Variants in LRBA observed in about 807,000 individuals in gnomAD.
LRBA encodes LPS responsive beige-like anchor protein.
A neutral mutation model predicts 330.0 loss-of-function variants in LRBA; 176 were observed. That is an observed-to-expected ratio of 0.53 (90% CI 0.47 to 0.60). The LOEUF (loss-of-function observed/expected upper bound fraction) is 0.60. Ranked by LOEUF, LRBA falls within the 20% of genes least tolerant of loss-of-function variation. The pLI, the probability that LRBA is intolerant of heterozygous loss-of-function variation, is 0.00. For synonymous variants in LRBA, 1,230 were observed against 1,193.0 expected (o/e 1.03, Z -0.64); for missense variants, 3,259 against 3,444.8 (o/e 0.95, Z 1.35).
intron 40 of LRBA, among the ~76,000 whole-genome samples, chr4:150,529,497 C>T (rs1458538434): frequency 6.6e-6 from 1 of 152,088 alleles, no homozygotes; most frequent in Non-Finnish European, 1.5e-5. Context: ...GCGGGTGGAT[C>T]ACGAGGTCAG....
chr4:150,763,431 T>C (rs568262140), intron 34 of LRBA, among the ~76,000 whole-genome samples: 26 of 152,076 alleles, frequency 1.7e-4, no homozygotes, highest in African/African-American at 6.3e-4. Flanking sequence ...TGAATTCATA[T>C]TTTACCAAAA....
At chr4:150,322,432 T>C (rs1443055979) in intron 49 of LRBA, among the ~76,000 whole-genome samples, 1 of 152,230 alleles carries the variant, frequency 6.6e-6, no homozygotes, top group Non-Finnish European at 1.5e-5. Flanking sequence ...TAATAGCTGA[T>C]TAGTATCATT....
At chr4:150,882,094 A>G (rs112828514) in intron 17 of LRBA, among the ~76,000 whole-genome samples, 2 of 152,302 alleles carry the variant, frequency 1.3e-5, no homozygotes, top group African/African-American at 4.8e-5. Context: ...CTCAAAAAAA[A>G]AAAAATCACA....
intron 48 of LRBA, among the ~76,000 whole-genome samples, chr4:150,338,973 A>ACACG: frequency 6.6e-6 from 1 of 151,282 alleles, no homozygotes; most frequent in Non-Finnish European, 1.5e-5. Flanking sequence ...TTATACACAC[A>ACACG]CACACACACA....
At chr4:150,574,447 G>C (rs964567045) in intron 40 of LRBA, among the ~76,000 whole-genome samples, 69 of 151,978 alleles carry the variant, frequency 4.5e-4, no homozygotes, top group African/African-American at 1.6e-3. Context: ...AGAAGAGATA[G>C]AAAAGATTAC....
At chr4:150,805,583 A>AAGGAG (rs1742637806) in intron 33 of LRBA, among the ~76,000 whole-genome samples, 1 of 137,142 alleles carries the variant, frequency 7.3e-6, no homozygotes, top group Non-Finnish European at 1.5e-5. Flanking sequence ...AAGGAAAGGA[A>AAGGAG]AGGAAAGGAA....
chr4:150,646,029 T>C (rs1166925055), intron 37 of LRBA, among the ~76,000 whole-genome samples: 2 of 151,928 alleles, frequency 1.3e-5, no homozygotes, highest in African/African-American at 4.8e-5. Context: ...ATTTATATAA[T>C]ATCCTTTATC....
chr4:150,425,293 C>G (rs1456540488), intron 46 of LRBA, among the ~76,000 whole-genome samples: 4 of 152,148 alleles, frequency 2.6e-5, no homozygotes, highest in African/African-American at 9.6e-5. Flanking sequence ...TTTAAAACAT[C>G]AGTGGAAAAT....
chr4:150,568,621 CA>C (rs1310329810), intron 40 of LRBA, among the ~76,000 whole-genome samples: 1 of 152,140 alleles, frequency 6.6e-6, no homozygotes, highest in Non-Finnish European at 1.5e-5. Flanking sequence ...ATCAGCACTG[CA>C]CCTGCACTTC....
chr4:150,284,507 G>A (rs1029083620), intron 54 of LRBA, among the ~76,000 whole-genome samples: 1 of 152,138 alleles, frequency 6.6e-6, no homozygotes, highest in Non-Finnish European at 1.5e-5. Context: ...CATGTTATAT[G>A]TATAACTGAG....
intron 2 of LRBA, among the ~76,000 whole-genome samples, chr4:150,978,325 C>G (rs1187912709): frequency 6.6e-6 from 1 of 152,238 alleles, no homozygotes; most frequent in African/African-American, 2.4e-5. Flanking sequence ...TCTACAAGAA[C>G]CAAAGCATTA....
At chr4:150,559,929 T>TATAA (rs1768085078) in intron 40 of LRBA, among the ~76,000 whole-genome samples, 1 of 97,444 alleles carries the variant, frequency 1.0e-5, no homozygotes, top group African/African-American at 4.2e-5. Context: ...TAAATATAAA[T>TATAA]ATATATATAT....
At chr4:151,007,284 A>C (rs577894614) in intron 2 of LRBA, among the ~76,000 whole-genome samples, 1 of 152,048 alleles carries the variant, frequency 6.6e-6, no homozygotes, top group Admixed American at 6.6e-5. Flanking sequence ...GACGGACCAC[A>C]AGGTCAGGAG....
At chr4:150,323,645 C>G (rs1379111705) in intron 49 of LRBA, among the ~76,000 whole-genome samples, 2 of 152,206 alleles carry the variant, frequency 1.3e-5, no homozygotes, top group Non-Finnish European at 2.9e-5. Context: ...GTCTGCTCCT[C>G]CATACCCCAT....
At chr4:150,345,341 T>G (rs928380097) in intron 48 of LRBA, among the ~76,000 whole-genome samples, 1 of 152,214 alleles carries the variant, frequency 6.6e-6, no homozygotes, top group Middle Eastern at 3.2e-3. Context: ...CCTATTCATG[T>G]TTTCTGCTTT....
intron 35 of LRBA, among the ~76,000 whole-genome samples, chr4:150,754,521 CAAAAA>C (rs755838647): frequency 2.8e-4 from 24 of 86,068 alleles, no homozygotes; most frequent in African/African-American, 1.1e-3. Flanking sequence ...CCTGTCTCAC[CAAAAA>C]AAAAAAAAAA....
intron 46 of LRBA, among the ~76,000 whole-genome samples, chr4:150,416,911 T>A (rs1172456086): frequency 6.6e-6 from 1 of 152,082 alleles, no homozygotes; most frequent in African/African-American, 2.4e-5. Context: ...CTTTACAAGG[T>A]AAAGTATCAA....
At chr4:150,474,086 T>C (rs2152071846) in intron 42 of LRBA, among the ~76,000 whole-genome samples, 2 of 152,304 alleles carry the variant, frequency 1.3e-5, no homozygotes, top group East Asian at 1.9e-4. Context: ...CTATGTTTTC[T>C]TTCTGACATT....
chr4:150,364,440 G>C (rs1396145289), intron 47 of LRBA, among the ~76,000 whole-genome samples: 1 of 152,176 alleles, frequency 6.6e-6, no homozygotes, highest in African/African-American at 2.4e-5. Context: ...GTAAATGTCA[G>C]AGTTGTGACC....
Sources: gnomAD v4.1 joint callset for allele counts (sites outside exome capture counted in the v4.1 genomes callset) on GRCh38, gnomAD v4.1.1 for gene constraint, MANE v1.5 for transcripts, NCBI Gene and HGNC (gene_info 2026-07-23, HGNC 2026-07-21) for gene names.